ITSN1: variants seen among roughly 807,000 people sequenced by gnomAD.
ITSN1 encodes intersectin-1.
ITSN1 carries 58 observed loss-of-function variants against 239.8 expected under a neutral mutation model. That is an observed-to-expected ratio of 0.24 (90% CI 0.20 to 0.30). The LOEUF (loss-of-function observed/expected upper bound fraction) is 0.30. Ranked by LOEUF, ITSN1 falls within the 10% of genes least tolerant of loss-of-function variation. The pLI, the probability that ITSN1 is intolerant of heterozygous loss-of-function variation, is 1.00. For missense variants in ITSN1, 1,558 were observed against 2,103.3 expected (o/e 0.74, Z 5.07); for synonymous variants, 780 against 770.8 (o/e 1.01, Z -0.20).
chr21:33,651,985 A>G (rs1185657886), intron 1 of ITSN1, among the ~76,000 whole-genome samples: 1 of 152,222 alleles, frequency 6.6e-6, no homozygotes, highest in African/African-American at 2.4e-5. Flanking sequence ...TTTTCCTACT[A>G]CAAAAGGAAT....
rs1034703088 is a variant in ITSN1, at chr21:33,829,542, C to A, written c.3230-82C>A. On this transcript the variant is annotated intron_variant, in intron 26 of 39. Transcript: ENST00000381318. ...TGGTTTTGATGTGTTCATCTGTGAA[C>A]CTGGGAGGCGCCTGCATCTTCTTGG... 1.0e-5 allele frequency: 15 copies of A among 1,472,062 alleles called. No homozygotes were observed. The African/African-American group carries it at 2.0e-4, about 19-fold the overall frequency. The allele number at this position is 1,472,062 out of a possible 1,614,324, so 91.2% of individuals were successfully genotyped here. A position where few individuals can be genotyped will look rare whatever the true frequency, so the allele number is the denominator to read the frequency against.
intron 10 of ITSN1, among the ~76,000 whole-genome samples, chr21:33,767,054 G>A (rs912404326): frequency 1.3e-5 from 2 of 152,148 alleles, no homozygotes; most frequent in South Asian, 2.1e-4. Flanking sequence ...TGTAATCCCA[G>A]CTACTCGGGA....
chr21:33,813,928 G>T lies in ITSN1; in HGVS notation c.2583G>T (p.Thr861=), dbSNP rs748351742. The T allele has an allele frequency of 4.2e-5, 68 of 1,613,392 alleles. No homozygotes were observed. Among genetic ancestry groups the T allele is most frequent in the Non-Finnish European group, 5.7e-5 (67 of 1,179,936 alleles). The change falls in exon 22 of 40, where the codon ACG becomes ACT. Residue 861 remains threonine (T), a synonymous_variant. Transcript: ENST00000381318. ...ADFSSTWPTS[T]NEKPETDNWD... ...TTCCCTCCAGGTGGCCCACCAGCAC[G>T]AATGAGAAACCAGAAACGGATAACT...
At chr21:33,885,808 C>T (rs1421925301) in intron 38 of ITSN1, among the ~76,000 whole-genome samples, 3 of 152,148 alleles carry the variant, frequency 2.0e-5, no homozygotes, top group African/African-American at 7.2e-5. Context: ...GTTTCAAAGC[C>T]CACTCAATTA....
intron 1 of ITSN1, among the ~76,000 whole-genome samples, chr21:33,685,247 A>G (rs945829115): frequency 6.6e-6 from 1 of 152,166 alleles, no homozygotes; most frequent in African/African-American, 2.4e-5. Context: ...TTATGTTTTC[A>G]CTGGATATAC....
At chr21:33,789,683 T>C (rs1251058524) in intron 16 of ITSN1, among the ~76,000 whole-genome samples, 1 of 152,328 alleles carries the variant, frequency 6.6e-6, no homozygotes, top group Admixed American at 6.5e-5. Context: ...TCAAGTAATA[T>C]TGTTTCACAT....
At chr21:33,761,297 G>A (rs944940255) in intron 8 of ITSN1, among the ~76,000 whole-genome samples, 2 of 152,030 alleles carry the variant, frequency 1.3e-5, no homozygotes, top group South Asian at 4.1e-4. Context: ...GAACTCCTGA[G>A]CTCGAGCCAT....
chr21:33,777,428 C>G (rs1294867246), intron 14 of ITSN1, among the ~76,000 whole-genome samples: 3 of 152,018 alleles, frequency 2.0e-5, no homozygotes, highest in Non-Finnish European at 2.9e-5. Context: ...TTGGTTATTC[C>G]AGGTCCTTAA....
chr21:33,875,596 A>G, intron 34 of ITSN1, 75 bp downstream of exon 34: 1 of 1,433,228 alleles, frequency 7.0e-7, no homozygotes, highest in Non-Finnish European at 9.6e-7. Flanking sequence ...GGACAAAGAA[A>G]AGCATGAACC....
In ITSN1 at chr21:33,895,899, C is replaced by T. The variant is rs1411567977; in HGVS notation, c.*7599C>T. ...GAGGCCCCTTGTTCAGGTGATGAAG[C>T]ATTTCTAGACAGTGAGAGGAGAGCA... On this transcript the variant is annotated 3_prime_UTR_variant, in exon 40 of 40. Coordinates refer to ENST00000381318, the MANE Select transcript of ITSN1 (RefSeq NM_003024.3). 1 of 152,188 alleles carries T rather than the reference C, an allele frequency of 6.6e-6. No individual in the cohort carries two copies. Among genetic ancestry groups the T allele is most frequent in the Non-Finnish European group, 1.5e-5 (1 of 68,060 alleles). 9.4% of individuals were successfully genotyped at this position (152,188 alleles called of 1,614,324 possible).
intron 10 of ITSN1, among the ~76,000 whole-genome samples, chr21:33,767,302 A>G (rs2147730360): frequency 6.6e-6 from 1 of 152,296 alleles, no homozygotes; most frequent in Middle Eastern, 3.4e-3. Context: ...GGTGAAATGG[A>G]GAGATGGGAA....
At chr21:33,653,285 G>A (rs528192312) in intron 1 of ITSN1, among the ~76,000 whole-genome samples, 64 of 152,020 alleles carry the variant, frequency 4.2e-4, no homozygotes, top group Non-Finnish European at 7.7e-4. Flanking sequence ...GTGAGCCACC[G>A]CACCCAGCCG....
At chr21:33,789,296 A>G (rs898263647) in intron 16 of ITSN1, among the ~76,000 whole-genome samples, 12 of 152,294 alleles carry the variant, frequency 7.9e-5, no homozygotes, top group African/African-American at 2.9e-4. Context: ...TTATAGATAA[A>G]CACCTGAAAT....
intron 5 of ITSN1, among the ~76,000 whole-genome samples, chr21:33,741,836 A>G (rs1187496876): frequency 7.3e-6 from 1 of 137,066 alleles, no homozygotes; most frequent in African/African-American, 2.7e-5. Flanking sequence ...CAGAGCTTGC[A>G]GTGAGCTGAG....
intron 1 of ITSN1, among the ~76,000 whole-genome samples, chr21:33,657,775 C>T (rs978541545): frequency 6.6e-6 from 1 of 152,102 alleles, no homozygotes; most frequent in African/African-American, 2.4e-5. Flanking sequence ...TGCTCGAGAC[C>T]AGGAGTTTGA....
At chr21:33,831,370 G>A (rs1403429111) in intron 27 of ITSN1, among the ~76,000 whole-genome samples, 1 of 152,188 alleles carries the variant, frequency 6.6e-6, no homozygotes, top group Admixed American at 6.5e-5. Context: ...AGGAAGGAAT[G>A]GTTTCTGGAA....
chr21:33,696,838 G>A (rs893577861), intron 1 of ITSN1, among the ~76,000 whole-genome samples: 7 of 152,114 alleles, frequency 4.6e-5, no homozygotes, highest in Admixed American at 6.5e-5. Context: ...ACCACTGTTC[G>A]TGCCGATGAG....
At chr21:33,830,428 T>C (rs2074226924) in intron 27 of ITSN1, among the ~76,000 whole-genome samples, 1 of 151,906 alleles carries the variant, frequency 6.6e-6, no homozygotes, top group Non-Finnish European at 1.5e-5. Flanking sequence ...ACACAATAAT[T>C]ATAGAGTGGG....
intron 29 of ITSN1, among the ~76,000 whole-genome samples, chr21:33,854,574 T>G (rs568750883): frequency 6.6e-4 from 100 of 152,262 alleles, no homozygotes; most frequent in African/African-American, 2.4e-3. Flanking sequence ...GTCAAAGAAC[T>G]CGGAGACATC....
Sources: allele counts gnomAD v4.1 joint callset (sites outside exome capture counted in the v4.1 genomes callset), GRCh38; gene constraint gnomAD v4.1.1; transcripts MANE v1.5; gene names NCBI Gene and HGNC (gene_info 2026-07-23, HGNC 2026-07-21).